Variants in INPP4B observed in about 807,000 individuals in gnomAD.
The protein encoded by INPP4B is inositol polyphosphate 4-phosphatase type II.
Under a neutral mutation model 122.5 loss-of-function variants are expected in INPP4B, and 55 were observed. The ratio of observed to expected loss-of-function variants is 0.45; its 90% confidence interval spans 0.36 to 0.56. The LOEUF (loss-of-function observed/expected upper bound fraction) is 0.56, where lower values mean the gene tolerates loss of function less well. Ranked by LOEUF, INPP4B falls within the 20% of genes least tolerant of loss-of-function variation. The pLI is 0.00. For synonymous variants in INPP4B, 403 were observed against 388.7 expected (o/e 1.04, Z -0.43); for missense variants, 1,000 against 1,097.7 (o/e 0.91, Z 1.26).
chr4:142,831,994 A>G (rs749700434), intron 1 of INPP4B, among the ~76,000 whole-genome samples: 1 of 152,230 alleles, frequency 6.6e-6, no homozygotes, highest in Non-Finnish European at 1.5e-5. Flanking sequence ...TCCTAAAAAT[A>G]AAATATATTT....
rs542372931 is a variant in INPP4B at position 142,028,584 on chromosome 4, T to C, written c.*198A>G. 76 of 567,488 alleles carry C rather than the reference T, an allele frequency of 1.3e-4. No homozygotes were observed. Among genetic ancestry groups the C allele is most frequent in the African/African-American group, 3.6e-4 (19 of 53,342 alleles). The allele number at this position is 567,488 out of a possible 1,614,324, so 35.2% of individuals were successfully genotyped here. On this transcript the variant is annotated 3_prime_UTR_variant, in exon 26 of 26. Coordinates refer to ENST00000262992, the MANE Select transcript of INPP4B (RefSeq NM_001101669.3). ...AACTAGAAATGACAGTACTGAATCA[T>C]GTAAGATTTTTTAAAATGGATTTCT...
chr4:142,781,849 T>C (rs997419838), intron 1 of INPP4B, among the ~76,000 whole-genome samples: 2 of 152,048 alleles, frequency 1.3e-5, no homozygotes, highest in South Asian at 4.2e-4. Context: ...CATGTAACAA[T>C]AAGAATCTAA....
At chr4:142,077,841 A>G (rs1771652176) in intron 25 of INPP4B, among the ~76,000 whole-genome samples, 1 of 152,038 alleles carries the variant, frequency 6.6e-6, no homozygotes, top group Non-Finnish European at 1.5e-5. Context: ...AATGTCATTA[A>G]AATCAATTAC....
chr4:142,838,033 G>T (rs1250335170), intron 1 of INPP4B, among the ~76,000 whole-genome samples: 1 of 143,378 alleles, frequency 7.0e-6, no homozygotes, highest in African/African-American at 2.5e-5. Context: ...GGAAAGTGGT[G>T]TTTTTTTTTT....
intron 2 of INPP4B, among the ~76,000 whole-genome samples, chr4:142,541,467 A>T (rs1206135378): frequency 6.6e-6 from 1 of 151,964 alleles, no homozygotes; most frequent in Non-Finnish European, 1.5e-5. Context: ...CAATGCACAA[A>T]CCCCTAGGGA....
At chr4:142,340,587 T>A (rs542315304) in intron 7 of INPP4B, among the ~76,000 whole-genome samples, 2 of 152,180 alleles carry the variant, frequency 1.3e-5, no homozygotes, top group Non-Finnish European at 1.5e-5. Flanking sequence ...TTTTAAAAAA[T>A]TGTTTTGTAG....
intron 10 of INPP4B, among the ~76,000 whole-genome samples, chr4:142,262,360 C>T (rs1227479118): frequency 2.0e-5 from 3 of 152,160 alleles, no homozygotes; most frequent in African/African-American, 7.2e-5. Context: ...ACACAAAAAG[C>T]ATGCTGCCAC....
At chr4:142,839,660 G>A (rs1783243282) in intron 1 of INPP4B, among the ~76,000 whole-genome samples, 1 of 151,990 alleles carries the variant, frequency 6.6e-6, no homozygotes, top group African/African-American at 2.4e-5. Flanking sequence ...AACTTCTAAG[G>A]TTTGCTTCCA....
chr4:142,044,931 G>A (rs1750500946), intron 25 of INPP4B, among the ~76,000 whole-genome samples: 1 of 152,116 alleles, frequency 6.6e-6, no homozygotes, highest in African/African-American at 2.4e-5. Context: ...AGGATGCAGG[G>A]AACGTAGGAA....
chr4:142,691,697 T>G (rs1407128854), intron 2 of INPP4B, among the ~76,000 whole-genome samples: 1 of 151,838 alleles, frequency 6.6e-6, no homozygotes, highest in Non-Finnish European at 1.5e-5. Flanking sequence ...AAACAGGGAG[T>G]GTGACATGGA....
chr4:142,395,232 T>C (rs1261866373), intron 7 of INPP4B, among the ~76,000 whole-genome samples: 5 of 152,178 alleles, frequency 3.3e-5, no homozygotes, highest in African/African-American at 1.2e-4. Flanking sequence ...CTTTGATATG[T>C]AAATTCCAGA....
At chr4:142,711,558 T>C (rs1433640322) in intron 2 of INPP4B, among the ~76,000 whole-genome samples, 1 of 151,548 alleles carries the variant, frequency 6.6e-6, no homozygotes, top group Non-Finnish European at 1.5e-5. Context: ...TGGCTATGTG[T>C]ATTATGCTAT....
intron 2 of INPP4B, among the ~76,000 whole-genome samples, chr4:142,665,984 T>C (rs921465446): frequency 1.2e-4 from 18 of 152,274 alleles, no homozygotes; most frequent in East Asian, 9.6e-4. Context: ...AATAATAGAA[T>C]AGTTCCAACA....
chr4:142,693,899 C>G (rs980742247), intron 2 of INPP4B, among the ~76,000 whole-genome samples: 13 of 151,358 alleles, frequency 8.6e-5, no homozygotes, highest in African/African-American at 3.1e-4. Flanking sequence ...GCCTTGAAAA[C>G]TGGCAAATTA....
intron 2 of INPP4B, among the ~76,000 whole-genome samples, chr4:142,653,373 G>T (rs909508321): frequency 5.3e-5 from 8 of 152,156 alleles, no homozygotes; most frequent in Admixed American, 4.6e-4. Flanking sequence ...ATTGACAAAT[G>T]GGATCTAATT....
intron 2 of INPP4B, among the ~76,000 whole-genome samples, chr4:142,651,175 G>T (rs772047569): frequency 6.6e-6 from 1 of 152,084 alleles, no homozygotes; most frequent in Non-Finnish European, 1.5e-5. Flanking sequence ...AAATCAATGA[G>T]AACAAAGAGA....
intron 2 of INPP4B, among the ~76,000 whole-genome samples, chr4:142,529,876 G>T (rs985459374): frequency 3.9e-5 from 6 of 151,950 alleles, no homozygotes; most frequent in African/African-American, 1.4e-4. Flanking sequence ...TCTCACCAAA[G>T]TTCTGCACTC....
chr4:142,167,517 C>A (rs1313283755), intron 16 of INPP4B, among the ~76,000 whole-genome samples: 1 of 151,722 alleles, frequency 6.6e-6, no homozygotes, highest in Non-Finnish European at 1.5e-5. Context: ...ATGTAACAAA[C>A]CTGCACGTAC....
intron 1 of INPP4B, among the ~76,000 whole-genome samples, chr4:142,780,534 C>T (rs1027046622): frequency 6.6e-6 from 1 of 152,096 alleles, no homozygotes; most frequent in Non-Finnish European, 1.5e-5. Context: ...CACGGTGGCT[C>T]ACACCTGTAA....
Sources: gnomAD v4.1 joint callset for allele counts (sites outside exome capture counted in the v4.1 genomes callset) on GRCh38, gnomAD v4.1.1 for gene constraint, MANE v1.5 for transcripts, NCBI Gene and HGNC (gene_info 2026-07-23, HGNC 2026-07-21) for gene names.